TRPM3: variants seen among roughly 807,000 people sequenced by gnomAD.
TRPM3 encodes the protein transient receptor potential cation channel subfamily M member 3, also known as long transient receptor potential channel 3.
TRPM3 carries 77 observed loss-of-function variants against 181.2 expected under a neutral mutation model. The ratio of observed to expected loss-of-function variants is 0.42; its 90% CI spans 0.35 to 0.51. TRPM3 has a LOEUF of 0.51. Ranked by LOEUF, TRPM3 falls within the 20% of genes least tolerant of loss-of-function variation. The pLI, the probability that TRPM3 is intolerant of heterozygous loss-of-function variation, is 0.01. For missense variants in TRPM3, 1,759 were observed against 2,196.7 expected (o/e 0.80, Z 3.98); for synonymous variants, 745 against 796.4 (o/e 0.94, Z 1.09).
intron 10 of TRPM3, 29 bp from the exon 11 acceptor site, chr9:70,639,223 C>T (rs894258695): frequency 6.2e-7 from 1 of 1,611,280 alleles, no homozygotes; most frequent in African/African-American, 1.3e-5. Flanking sequence ...AGTTAGTCTG[C>T]CCCAGGGTCT....
At chr9:70,628,777 C>A (rs1288442468) in intron 12 of TRPM3, among the ~76,000 whole-genome samples, 4 of 143,616 alleles carry the variant, frequency 2.8e-5, no homozygotes, top group African/African-American at 1.0e-4. Context: ...CGAGATTGCA[C>A]CACTGCATTA....
At chr9:70,923,258 T>C (rs776900901) in intron 1 of TRPM3, among the ~76,000 whole-genome samples, 9 of 152,188 alleles carry the variant, frequency 5.9e-5, no homozygotes, top group African/African-American at 1.7e-4. Context: ...TTTTAATACA[T>C]GTTCATGTTC....
rs190110565 is a variant in TRPM3, at chr9:71,244,942, C to T, written c.183+201711G>A. On this transcript the variant is annotated intron_variant, in intron 1 of 24. Coordinates refer to the TRPM3 transcript ENST00000357533. Reference sequence around the variant, plus strand: ...GGGTTGCCAGAATCCAGATGGTATTCAAAATGGAACTTGAAAGATAAATAG... The same window carrying T: ...GGGTTGCCAGAATCCAGATGGTATTTAAAATGGAACTTGAAAGATAAATAG... Among the ~76,000 whole-genome samples, 5 of 152,192 alleles carry T rather than the reference C, an allele frequency of 3.3e-5. No homozygotes were observed. In the East Asian group the frequency reaches 5.8e-4, roughly 18 times the overall value.
At chr9:71,082,147 T>A (rs1024704021) in intron 1 of TRPM3, among the ~76,000 whole-genome samples, 1 of 152,174 alleles carries the variant, frequency 6.6e-6, no homozygotes, top group Non-Finnish European at 1.5e-5. Context: ...TCGAATACTC[T>A]CAACTGACCC....
intron 9 of TRPM3, among the ~76,000 whole-genome samples, chr9:70,640,884 T>A (rs1301435118): frequency 1.3e-5 from 2 of 152,294 alleles, no homozygotes; most frequent in South Asian, 2.1e-4. Context: ...ATTACATTTT[T>A]AAAAACTTTT....
chr9:70,839,974 G>GA (rs2131938003), intron 5 of TRPM3, among the ~76,000 whole-genome samples: 1 of 152,244 alleles, frequency 6.6e-6, no homozygotes, highest in Non-Finnish European at 1.5e-5. Flanking sequence ...TTGCGACTGT[G>GA]TAAGAAGCTT....
chr9:71,362,266 A>G (rs1305159850), intron 1 of TRPM3, among the ~76,000 whole-genome samples: 1 of 152,196 alleles, frequency 6.6e-6, no homozygotes, highest in Non-Finnish European at 1.5e-5. Context: ...GTTGATTGCA[A>G]AATCAGTTCC....
chr9:71,300,615 AACTG>A (rs1470768843), intron 1 of TRPM3, among the ~76,000 whole-genome samples: 1 of 152,098 alleles, frequency 6.6e-6, no homozygotes, highest in Non-Finnish European at 1.5e-5. Context: ...ATGCTGGTTT[AACTG>A]TAATTCTAAG....
At chr9:70,909,175 TG>T (rs1376558910) in intron 1 of TRPM3, among the ~76,000 whole-genome samples, 1 of 152,216 alleles carries the variant, frequency 6.6e-6, no homozygotes, top group Non-Finnish European at 1.5e-5. Context: ...GTCACATAGC[TG>T]ATTGCTTAGT....
intron 22 of TRPM3, among the ~76,000 whole-genome samples, chr9:70,556,455 C>A (rs539402083): frequency 4.0e-4 from 61 of 152,268 alleles, no homozygotes; most frequent in Non-Finnish European, 5.3e-4. Context: ...AGTGCAGTGG[C>A]TCATGCCTGT....
At chr9:71,341,146 A>G (rs931449358) in intron 1 of TRPM3, among the ~76,000 whole-genome samples, 1 of 152,194 alleles carries the variant, frequency 6.6e-6, no homozygotes, top group African/African-American at 2.4e-5. Context: ...ATTGATATAT[A>G]TAGGAAGAAA....
At chr9:71,345,184 A>AT (rs2091217655) in intron 1 of TRPM3, among the ~76,000 whole-genome samples, 1 of 152,198 alleles carries the variant, frequency 6.6e-6, no homozygotes, top group Admixed American at 6.5e-5. Flanking sequence ...CAGTGTGGTG[A>AT]TTCCTCAAGG....
At chr9:71,341,865 G>A (rs560617966) in intron 1 of TRPM3, among the ~76,000 whole-genome samples, 1 of 151,930 alleles carries the variant, frequency 6.6e-6, no homozygotes, top group African/African-American at 2.4e-5. Flanking sequence ...TTAAAAAAAT[G>A]CCATAAAGTC....
At chr9:70,865,673 A>T (rs1387244242) in intron 1 of TRPM3, among the ~76,000 whole-genome samples, 1 of 151,798 alleles carries the variant, frequency 6.6e-6, no homozygotes, top group Admixed American at 6.6e-5. Flanking sequence ...TCAGTCTTGC[A>T]CCTCCCTCTT....
Position 70,983,599 on chromosome 9 carries a change from G to A in TRPM3, c.178-119088C>T, listed in dbSNP as rs986464903. On this transcript the variant is annotated intron_variant, in intron 1 of 25. Transcript: ENST00000677713. The stretch of plus-strand genomic sequence containing the variant: ...CATCACTTGTGTCTGGCAGAGACTT[G>A]TGGGCAGGCAGAGGAAGGAGAAAGC... Among the ~76,000 whole-genome samples, 10 of 152,290 alleles carry A rather than the reference G, an allele frequency of 6.6e-5. 2 individuals carry two copies. In the Middle Eastern group the frequency reaches 0.017, roughly 259 times the overall value.
At position 71,285,982 on chromosome 9, in the gene TRPM3, C is replaced by G. The variant is rs116328222; in HGVS notation, c.183+160671G>C. On this transcript the variant is annotated intron_variant, in intron 1 of 24. Transcript: ENST00000357533. ...TGTCTATAACTTTCCTTCAAATCCT[C>G]ATTTTCTCCTATTTTTATTTAATGC... 6.1e-3 allele frequency among the ~76,000 whole-genome samples: 930 copies of G among 152,242 alleles called. 15 individuals carry two copies. The highest frequency in any genetic ancestry group is 0.021 in the African/African-American group (884 of 41,528).
chr9:70,980,699 CT>C (rs1797624323), intron 1 of TRPM3, among the ~76,000 whole-genome samples: 1 of 152,216 alleles, frequency 6.6e-6, no homozygotes, highest in South Asian at 2.1e-4. Flanking sequence ...ACCCTGGCCC[CT>C]GCCAACACAT....
chr9:71,133,268 A>G (rs1177864768), intron 1 of TRPM3, among the ~76,000 whole-genome samples: 1 of 124,732 alleles, frequency 8.0e-6, no homozygotes, highest in African/African-American at 2.8e-5. Flanking sequence ...TCCTGTGGCC[A>G]TTTGTAATTC....
At chr9:71,430,867 A>G (rs2131606350) in intron 1 of TRPM3, among the ~76,000 whole-genome samples, 1 of 152,298 alleles carries the variant, frequency 6.6e-6, no homozygotes, top group Admixed American at 6.5e-5. Context: ...TTTCCAGTTA[A>G]TCATCAACTC....
Sources: allele counts gnomAD v4.1 joint callset (sites outside exome capture counted in the v4.1 genomes callset), GRCh38; gene constraint gnomAD v4.1.1; transcripts MANE v1.5; gene names NCBI Gene and HGNC (gene_info 2026-07-23, HGNC 2026-07-21).